Variants in DLG2 observed in about 807,000 individuals in gnomAD.
The protein encoded by DLG2 is disks large homolog 2.
A neutral mutation model predicts 132.5 loss-of-function variants in DLG2; 45 were observed. The ratio of observed to expected loss-of-function variants is 0.34; its 90% confidence interval spans 0.27 to 0.44. The LOEUF is 0.44. Among genes scored for constraint, DLG2 ranks in the 20% least tolerant of loss-of-function variants. DLG2 has a pLI of 1.00. For missense variants in DLG2, 1,045 were observed against 1,196.9 expected (o/e 0.87, Z 1.87); for synonymous variants, 424 against 419.6 (o/e 1.01, Z -0.13).
At chr11:83,518,189 G>GCTT (rs2095360691) in intron 21 of DLG2, among the ~76,000 whole-genome samples, 1 of 152,222 alleles carries the variant, frequency 6.6e-6, no homozygotes, top group Non-Finnish European at 1.5e-5. Context: ...CTTCCCAGCT[G>GCTT]CTTTGTTTAC....
rs150932280 is a variant in DLG2, at chr11:83,712,330, T to C, written c.1825+74360A>G. On this transcript the variant is annotated intron_variant, in intron 18 of 27. Coordinates refer to ENST00000376104, the MANE Select transcript of DLG2 (RefSeq NM_001142699.3). ...TACACCACGGAATACCATGCAGTCA[T>C]AAAAAGGATCAAGATTTGCCGGGCG... Among the ~76,000 whole-genome samples, 139 of 152,156 alleles carry C rather than the reference T, an allele frequency of 9.1e-4. 1 individual carries two copies. Among genetic ancestry groups the C allele is most frequent in the South Asian group, 8.9e-3 (43 of 4,816 alleles).
At chr11:85,605,235 A>AAAT (rs1565749831) in intron 2 of DLG2, among the ~76,000 whole-genome samples, 2 of 152,216 alleles carry the variant, frequency 1.3e-5, no homozygotes. Flanking sequence ...CACAGCTACT[A>AAAT]AATAACAGAT....
At chr11:84,465,845 C>G (rs1398154413) in intron 7 of DLG2, among the ~76,000 whole-genome samples, 1 of 151,054 alleles carries the variant, frequency 6.6e-6, no homozygotes, top group Non-Finnish European at 1.5e-5. Flanking sequence ...GACAGGGTGG[C>G]CATAGATCAA....
intron 3 of DLG2, among the ~76,000 whole-genome samples, chr11:85,295,207 C>T (rs2079142522): frequency 6.6e-6 from 1 of 152,056 alleles, no homozygotes; most frequent in Non-Finnish European, 1.5e-5. Flanking sequence ...CAAAGATTTA[C>T]CATGTAAATT....
chr11:84,271,661 G>A (rs2097724018), intron 7 of DLG2, among the ~76,000 whole-genome samples: 1 of 152,098 alleles, frequency 6.6e-6, no homozygotes. Flanking sequence ...TAGACACTGG[G>A]AATAGATGCA....
At chr11:85,085,713 C>T (rs1242472428) in intron 6 of DLG2, among the ~76,000 whole-genome samples, 1 of 152,072 alleles carries the variant, frequency 6.6e-6, no homozygotes, top group East Asian at 1.9e-4. Flanking sequence ...ATTTTACTTC[C>T]ATCTTAACTC....
At chr11:83,774,356 G>A (rs2153797462) in intron 18 of DLG2, among the ~76,000 whole-genome samples, 1 of 152,264 alleles carries the variant, frequency 6.6e-6, no homozygotes, top group Middle Eastern at 3.4e-3. Context: ...CGCTTATGGA[G>A]GACATACTAT....
chr11:85,158,061 T>C (rs1416265412), intron 4 of DLG2, among the ~76,000 whole-genome samples: 1 of 152,082 alleles, frequency 6.6e-6, no homozygotes, highest in Non-Finnish European at 1.5e-5. Flanking sequence ...CTTCTAGACT[T>C]ATAACTAGGC....
At chr11:85,381,305 G>A (rs1258113860) in intron 3 of DLG2, among the ~76,000 whole-genome samples, 1 of 152,112 alleles carries the variant, frequency 6.6e-6, no homozygotes, top group Admixed American at 6.6e-5. Context: ...TAAAAAAATT[G>A]GTAGGTTCAA....
At chr11:83,730,416 G>C (rs190013854) in intron 18 of DLG2, among the ~76,000 whole-genome samples, 1 of 152,044 alleles carries the variant, frequency 6.6e-6, no homozygotes, top group Non-Finnish European at 1.5e-5. Flanking sequence ...ACCGGAATAT[G>C]CCTCCCCAAA....
At chr11:85,529,880 C>T (rs1343831953) in intron 3 of DLG2, among the ~76,000 whole-genome samples, 1 of 152,134 alleles carries the variant, frequency 6.6e-6, no homozygotes, top group Non-Finnish European at 1.5e-5. Flanking sequence ...TACACATCCT[C>T]ACATGAAACT....
chr11:85,293,996 C>A (rs866385113), intron 3 of DLG2, among the ~76,000 whole-genome samples: 1 of 152,024 alleles, frequency 6.6e-6, no homozygotes, highest in South Asian at 2.1e-4. Flanking sequence ...AATTCCAACA[C>A]TTTGGGACGC....
chr11:83,833,673 G>A lies in DLG2; in HGVS notation c.1663C>T (p.Leu555=), dbSNP rs775296170. The change falls in exon 17 of 28, where the codon CTG becomes TTG. Residue 555 remains leucine (L), a synonymous_variant. Coordinates refer to ENST00000376104, the MANE Select transcript of DLG2 (RefSeq NM_001142699.3). ...DGEGIFVSFI[L]AGGPADLSGE... is the part of the protein sequence containing the mutation. Reference sequence around the variant, plus strand: ...CTTAGGTCTGCTGGTCCACCAGCCAGAATGAAGGACACAAAAATACCTTCT... The same window carrying A: ...CTTAGGTCTGCTGGTCCACCAGCCAAAATGAAGGACACAAAAATACCTTCT... The A allele has an allele frequency of 1.2e-6, 2 of 1,613,946 alleles. No individual in the cohort carries two copies. The highest frequency in any genetic ancestry group is 4.5e-5 in the East Asian group (2 of 44,892).
At chr11:84,817,919 AT>A (rs2077242403) in intron 6 of DLG2, among the ~76,000 whole-genome samples, 2 of 151,998 alleles carry the variant, frequency 1.3e-5, no homozygotes, top group Non-Finnish European at 2.9e-5. Flanking sequence ...TCTTCTGAGA[AT>A]ATTTTCTTCT....
Position 84,194,806 on chromosome 11 carries a change from C to T in DLG2, c.574-31295G>A, listed in dbSNP as rs144241937. 4.0e-4 allele frequency among the ~76,000 whole-genome samples: 61 copies of T among 152,352 alleles called. No individual in the cohort carries two copies. The East Asian group carries it at 8.5e-3, about 21-fold the overall frequency. On this transcript the variant is annotated intron_variant, in intron 8 of 27. Transcript: ENST00000376104. ...AGCTGCCTGCCAGTCCCACACCCTGCGCCCACACTCCTCAGCCCTTGGGCA... is the reference window on the plus strand; with the variant it reads ...AGCTGCCTGCCAGTCCCACACCCTGTGCCCACACTCCTCAGCCCTTGGGCA...
rs540793758 is a variant in DLG2, at chr11:83,833,445, G to A, written c.1722+169C>T. Reference sequence around the variant, plus strand: ...AGACAGAGCGAGATTCTGTCTCAAAGGAAACAAAAACAAAAACAAACAAAA... The same window carrying A: ...AGACAGAGCGAGATTCTGTCTCAAAAGAAACAAAAACAAAAACAAACAAAA... On this transcript the variant is annotated intron_variant, in intron 17 of 27. Transcript: ENST00000376104. 7.9e-5 allele frequency among the ~76,000 whole-genome samples: 12 copies of A among 152,160 alleles called. 4 individuals are homozygous for A. The highest frequency in any genetic ancestry group is 2.9e-4 in the African/African-American group (12 of 41,516).
At chr11:85,610,888 G>A (rs567643021) in intron 2 of DLG2, among the ~76,000 whole-genome samples, 17 of 152,260 alleles carry the variant, frequency 1.1e-4, no homozygotes, top group South Asian at 8.3e-4. Context: ...GGCTTTTGCC[G>A]ACTATGGATC....
At chr11:84,479,209 T>C (rs541553879) in intron 7 of DLG2, among the ~76,000 whole-genome samples, 17 of 152,234 alleles carry the variant, frequency 1.1e-4, no homozygotes, top group Middle Eastern at 6.8e-3. Context: ...ACTTGGATTG[T>C]TCTTGGAAAT....
chr11:85,399,499 C>G (rs2152960100), intron 3 of DLG2, among the ~76,000 whole-genome samples: 1 of 152,264 alleles, frequency 6.6e-6, no homozygotes, highest in East Asian at 1.9e-4. Context: ...AAGAACAAAG[C>G]TGGAGGCATC....
Sources: allele counts gnomAD v4.1 joint callset (sites outside exome capture counted in the v4.1 genomes callset), GRCh38; gene constraint gnomAD v4.1.1; transcripts MANE v1.5; gene names NCBI Gene and HGNC (gene_info 2026-07-23, HGNC 2026-07-21).